The following TSC22D1 variants were observed in gnomAD, a reference collection of about 807,000 sequenced individuals.
The protein encoded by TSC22D1 is TSC22 domain family protein 1.
Under a neutral mutation model 74.2 loss-of-function variants are expected in TSC22D1, and 9 were observed. That is an observed-to-expected ratio of 0.12 (90% CI 0.07 to 0.21). The LOEUF (loss-of-function observed/expected upper bound fraction) is 0.21. TSC22D1 is among the 10% of genes least tolerant of loss of function. The pLI is 1.00. For synonymous variants in TSC22D1, 586 were observed against 492.5 expected (o/e 1.19, Z -2.51); for missense variants, 1,427 against 1,304.7 (o/e 1.09, Z -1.44).
chr13:44,569,831 C>CA (rs557802924), intron 1 of TSC22D1, among the ~76,000 whole-genome samples: 56 of 146,004 alleles, frequency 3.8e-4, no homozygotes, highest in African/African-American at 8.3e-4. Context: ...TAAATCATGA[C>CA]AAAAAAAAAA....
intron 1 of TSC22D1, among the ~76,000 whole-genome samples, chr13:44,506,545 G>A (rs1879457201): frequency 6.6e-6 from 1 of 152,144 alleles, no homozygotes; most frequent in Non-Finnish European, 1.5e-5. Context: ...AATACCTATG[G>A]TTGATCTGTG....
At chr13:44,561,802 A>C (rs1405413302) in intron 1 of TSC22D1, among the ~76,000 whole-genome samples, 1 of 152,226 alleles carries the variant, frequency 6.6e-6, no homozygotes, top group African/African-American at 2.4e-5. Context: ...AACAAAATAA[A>C]TTTAAAATAG....
intron 1 of TSC22D1, among the ~76,000 whole-genome samples, chr13:44,463,708 A>T (rs1395331253): frequency 6.6e-6 from 1 of 152,248 alleles, no homozygotes; most frequent in African/African-American, 2.4e-5. Context: ...ATAATAAAGA[A>T]GAAAAGGTTT....
At chr13:44,490,913 A>G (rs1878674661) in intron 1 of TSC22D1, among the ~76,000 whole-genome samples, 1 of 147,622 alleles carries the variant, frequency 6.8e-6, no homozygotes, top group Admixed American at 6.9e-5. Context: ...ATTAAAAAAA[A>G]TGAAACTCCG....
At chr13:44,517,082 AC>A (rs1880025024) in intron 1 of TSC22D1, among the ~76,000 whole-genome samples, 1 of 152,188 alleles carries the variant, frequency 6.6e-6, no homozygotes. Context: ...ACAGAGATAT[AC>A]ACGTGTGTGT....
intron 1 of TSC22D1, among the ~76,000 whole-genome samples, chr13:44,501,611 G>A (rs1313473372): frequency 1.3e-5 from 2 of 152,164 alleles, no homozygotes; most frequent in Non-Finnish European, 2.9e-5. Context: ...ACAGATGAAA[G>A]AAAATGATCA....
At position 44,433,856 on chromosome 13, in the gene TSC22D1, A is replaced by T. The variant is rs1874266486; in HGVS notation, c.*770T>A. 2 of 863,700 alleles carry T rather than the reference A, an allele frequency of 2.3e-6. No homozygotes were observed. Among genetic ancestry groups the T allele is most frequent in the Admixed American group, 3.9e-5 (1 of 25,666 alleles). The allele number at this position is 863,700 out of a possible 1,614,324, so 53.5% of individuals were successfully genotyped here. On this transcript the variant is annotated 3_prime_UTR_variant, in exon 3 of 3. Transcript: ENST00000458659. ...TTGTCATGTAGCAGTTTTTATGTAG[A>T]TCTATATATAAAAGTCCACACCTCC...
intron 1 of TSC22D1, among the ~76,000 whole-genome samples, chr13:44,495,609 G>C (rs1447435446): frequency 6.6e-6 from 1 of 151,974 alleles, no homozygotes; most frequent in Non-Finnish European, 1.5e-5. Context: ...TAAATCTGTT[G>C]ACAGTGACAC....
intron 1 of TSC22D1, among the ~76,000 whole-genome samples, chr13:44,534,226 A>G (rs977189656): frequency 6.9e-6 from 1 of 143,986 alleles, no homozygotes; most frequent in Non-Finnish European, 1.5e-5. Flanking sequence ...ACCCTGTCTC[A>G]AGGAGAAAAA....
intron 1 of TSC22D1, among the ~76,000 whole-genome samples, chr13:44,520,621 AG>A (rs1880267370): frequency 6.6e-6 from 1 of 152,190 alleles, no homozygotes; most frequent in Non-Finnish European, 1.5e-5. Flanking sequence ...ATGAGAAAGA[AG>A]TAATTTTTTA....
At chr13:44,513,093 T>C (rs1879815667) in intron 1 of TSC22D1, among the ~76,000 whole-genome samples, 1 of 152,206 alleles carries the variant, frequency 6.6e-6, no homozygotes, top group African/African-American at 2.4e-5. Flanking sequence ...AAATGTCACA[T>C]CCTCAGGAAG....
At chr13:44,485,358 G>C (rs1054388906) in intron 1 of TSC22D1, among the ~76,000 whole-genome samples, 2 of 152,044 alleles carry the variant, frequency 1.3e-5, no homozygotes, top group African/African-American at 2.4e-5. Flanking sequence ...TATATGGAAA[G>C]TTCTTTTAGT....
intron 1 of TSC22D1, among the ~76,000 whole-genome samples, chr13:44,473,712 AG>A (rs1380405414): frequency 1.3e-5 from 2 of 152,158 alleles, no homozygotes; most frequent in African/African-American, 4.8e-5. Flanking sequence ...ACATTTCAAA[AG>A]AACCATGCAA....
At chr13:44,516,060 C>G (rs1879963910) in intron 1 of TSC22D1, among the ~76,000 whole-genome samples, 1 of 152,084 alleles carries the variant, frequency 6.6e-6, no homozygotes, top group South Asian at 2.1e-4. Context: ...AAATGAACAG[C>G]TGAAATAGAA....
At chr13:44,535,448 A>G (rs1158802896) in intron 1 of TSC22D1, among the ~76,000 whole-genome samples, 1 of 152,078 alleles carries the variant, frequency 6.6e-6, no homozygotes, top group Admixed American at 6.6e-5. Context: ...AAACAAAAAT[A>G]CCTGGATAAA....
At chr13:44,503,899 T>C (rs1879324536) in intron 1 of TSC22D1, among the ~76,000 whole-genome samples, 6 of 152,010 alleles carry the variant, frequency 3.9e-5, no homozygotes, top group Non-Finnish European at 1.5e-5. Context: ...TTAAAAAATA[T>C]TTTAAATAAA....
intron 1 of TSC22D1, among the ~76,000 whole-genome samples, chr13:44,438,832 AT>A (rs1244164178): frequency 6.6e-6 from 1 of 152,168 alleles, no homozygotes; most frequent in African/African-American, 2.4e-5. Context: ...TAGTCTCTAT[AT>A]TTTGAAAGTT....
chr13:44,534,257 G>T (rs1182533920), intron 1 of TSC22D1, among the ~76,000 whole-genome samples: 1 of 149,552 alleles, frequency 6.7e-6, no homozygotes. Flanking sequence ...AGCAGACATG[G>T]CAGTGCACGC....
At chr13:44,527,114 G>GA (rs1452567481) in intron 1 of TSC22D1, among the ~76,000 whole-genome samples, 1 of 151,586 alleles carries the variant, frequency 6.6e-6, no homozygotes, top group East Asian at 1.9e-4. Context: ...AAGTATAAGA[G>GA]AAAAAAAGAC....
Sources: allele counts gnomAD v4.1 joint callset (sites outside exome capture counted in the v4.1 genomes callset), GRCh38; gene constraint gnomAD v4.1.1; transcripts MANE v1.5; gene names NCBI Gene and HGNC (gene_info 2026-07-23, HGNC 2026-07-21).